CCDC171: variants seen among roughly 807,000 people sequenced by gnomAD.
CCDC171 encodes coiled-coil domain-containing protein 171.
A neutral mutation model predicts 168.2 loss-of-function variants in CCDC171; 177 were observed. That is an observed-to-expected ratio of 1.05 (90% CI 0.93 to 1.19). The LOEUF is 1.19. Ranked by LOEUF, CCDC171 falls within the 50% of genes most tolerant of loss-of-function variation. The probability of loss-of-function intolerance (pLI) is 0.00; values close to 1 mark genes in which losing one functional copy is unlikely to be tolerated. For synonymous variants in CCDC171, 687 were observed against 540.8 expected (o/e 1.27, Z -3.75); for missense variants, 1,991 against 1,539.0 (o/e 1.29, Z -4.91).
chr9:16,106,923 C>G, the CCDC171 span, among the ~76,000 whole-genome samples: 1 of 152,190 alleles, frequency 6.6e-6, no homozygotes, highest in African/African-American at 2.4e-5. Context: ...GCCACCCTCA[C>G]TGCCCTCCTG....
intron 21 of CCDC171, among the ~76,000 whole-genome samples, chr9:15,833,410 C>A (rs2060317363): frequency 6.6e-6 from 1 of 152,118 alleles, no homozygotes; most frequent in Non-Finnish European, 1.5e-5. Context: ...TATATGTAAA[C>A]TATTTGGAAT....
intron 6 of CCDC171, among the ~76,000 whole-genome samples, chr9:15,611,087 C>G (rs900769720): frequency 6.6e-6 from 1 of 152,076 alleles, no homozygotes. Flanking sequence ...ATGAGCTCCA[C>G]GAGATCTGGT....
intron 21 of CCDC171, among the ~76,000 whole-genome samples, chr9:15,804,940 TAGGTCTATTC>T (rs1200579200): frequency 6.6e-6 from 1 of 152,124 alleles, no homozygotes; most frequent in Admixed American, 6.5e-5. Context: ...GAACTCATTA[TAGGTCTATTC>T]AGGGATTCAA....
At position 15,594,666 on chromosome 9, in the gene CCDC171, A is replaced by G. The variant is rs984764942; in HGVS notation, c.675+494A>G. ...TTACTGATTACATCTAATCCCCTTT[A>G]TACATGAGCAGATGGAGATTTGGAA... is the stretch of plus-strand genomic sequence containing the variant. On this transcript the variant is annotated intron_variant, in intron 6 of 25. Coordinates refer to ENST00000380701, the MANE Select transcript of CCDC171 (RefSeq NM_173550.4). 3.9e-5 allele frequency among the ~76,000 whole-genome samples: 6 copies of G among 152,254 alleles called. No homozygotes were observed. In the East Asian group the frequency reaches 1.2e-3, roughly 29 times the overall value.
chr9:15,867,577 C>G (rs2131100203), intron 23 of CCDC171, among the ~76,000 whole-genome samples: 1 of 152,108 alleles, frequency 6.6e-6, no homozygotes, highest in Admixed American at 6.6e-5. Context: ...GTCCATATAG[C>G]TGTCTTGTGT....
chr9:16,032,351 C>T (rs1010759533), intron 6 of CCDC171, among the ~76,000 whole-genome samples: 3 of 152,050 alleles, frequency 2.0e-5, no homozygotes, highest in African/African-American at 4.8e-5. Context: ...TTGAAATAGA[C>T]GATGGTTTGC....
At chr9:15,693,442 A>G (rs1231922761) in intron 10 of CCDC171, among the ~76,000 whole-genome samples, 1 of 149,832 alleles carries the variant, frequency 6.7e-6, no homozygotes, top group Non-Finnish European at 1.5e-5. Context: ...GGTGTTGCCT[A>G]GGGGAAACAC....
intron 10 of CCDC171, among the ~76,000 whole-genome samples, chr9:15,687,450 A>G (rs568104549): frequency 6.6e-6 from 1 of 152,226 alleles, no homozygotes; most frequent in African/African-American, 2.4e-5. Flanking sequence ...TCCTCAAATC[A>G]ATAACCTAAC....
chr9:15,806,780 T>G (rs968834444), intron 21 of CCDC171, among the ~76,000 whole-genome samples: 10 of 152,166 alleles, frequency 6.6e-5, no homozygotes, highest in Non-Finnish European at 1.5e-4. Context: ...TATAGCAAGT[T>G]TGGGGACATT....
At chr9:15,651,732 ACTTT>A (rs1285083319) in intron 7 of CCDC171, among the ~76,000 whole-genome samples, 1 of 151,926 alleles carries the variant, frequency 6.6e-6, no homozygotes, top group Non-Finnish European at 1.5e-5. Context: ...TATATAACCC[ACTTT>A]CTTTATTCAT....
rs536073822 is a variant in CCDC171 at position 15,723,520 on chromosome 9, A to C, written c.1426-161A>C. 4 of 580,468 alleles carry C rather than the reference A, an allele frequency of 6.9e-6. No homozygotes were observed. The South Asian group carries it at 9.0e-5, about 13-fold the overall frequency. 36.0% of individuals were successfully genotyped at this position (580,468 alleles called of 1,614,324 possible). ...AGCTATATAGCATTTAACCAAAAGA[A>C]ATAATTTTTTAAAGACTCTTAATTA... is the stretch of plus-strand genomic sequence containing the variant. On this transcript the variant is annotated intron_variant, in intron 12 of 25. Transcript: ENST00000380701.
chr9:15,665,107 A>G lies in CCDC171; in HGVS notation c.916-1056A>G, dbSNP rs545456661. ...ATCTCTTACCTCCTGGAACTCTCCC[A>G]GTTTCAGACCTAAACATTTTTTTTT... On this transcript the variant is annotated intron_variant, in intron 8 of 25. Coordinates refer to ENST00000380701, the MANE Select transcript of CCDC171 (RefSeq NM_173550.4). Among the ~76,000 whole-genome samples, 4 of 152,208 alleles carry G rather than the reference A, an allele frequency of 2.6e-5. No individual in the cohort carries two copies. The South Asian group carries it at 6.2e-4, about 24-fold the overall frequency.
intron 1 of CCDC171, among the ~76,000 whole-genome samples, chr9:15,562,438 A>C (rs1259157989): frequency 6.6e-6 from 1 of 152,204 alleles, no homozygotes; most frequent in Non-Finnish European, 1.5e-5. Flanking sequence ...GAAGTAGATG[A>C]AACTTGCTTC....
At chr9:16,096,338 C>T in the CCDC171 span, among the ~76,000 whole-genome samples, 2 of 152,164 alleles carry the variant, frequency 1.3e-5, no homozygotes, top group Non-Finnish European at 2.9e-5. Flanking sequence ...TAAAGGACAA[C>T]CACATCCCAA....
Position 15,973,318 on chromosome 9 carries a change from T to C in CCDC171, c.*1482T>C, listed in dbSNP as rs1414901015. 6.6e-6 allele frequency: 1 copy of C among 150,892 alleles called. No individual in the cohort carries two copies. The highest frequency in any genetic ancestry group is 1.5e-5 in the Non-Finnish European group (1 of 67,888). The allele number at this position is 150,892 out of a possible 1,614,324, so 9.3% of individuals were successfully genotyped here. A position where few individuals can be genotyped will look rare whatever the true frequency, so the allele number is the denominator to read the frequency against. ...TAACAGTATGTATTACAGAAGTTTT[T>C]TTGTCTTATCTTTACAGTGACATTT... On this transcript the variant is annotated 3_prime_UTR_variant, in exon 26 of 26. Coordinates refer to ENST00000380701, the MANE Select transcript of CCDC171 (RefSeq NM_173550.4).
At chr9:15,788,869 A>G (rs1279142372) in intron 21 of CCDC171, among the ~76,000 whole-genome samples, 1 of 152,040 alleles carries the variant, frequency 6.6e-6, no homozygotes, top group East Asian at 1.9e-4. Context: ...ATTTCTTTAT[A>G]TGTAATAGTT....
chr9:15,985,913 T>TTAATCA (rs1831970587), intron 3 of CCDC171, among the ~76,000 whole-genome samples: 1 of 152,254 alleles, frequency 6.6e-6, no homozygotes, highest in Non-Finnish European at 1.5e-5. Context: ...TGAAGTCAGA[T>TTAATCA]AGACTGGTTA....
chr9:15,644,444 C>T (rs887264495), intron 7 of CCDC171, among the ~76,000 whole-genome samples: 2 of 152,108 alleles, frequency 1.3e-5, no homozygotes, highest in Non-Finnish European at 2.9e-5. Flanking sequence ...CAGGGTGAGG[C>T]ATCGTCTCAC....
At chr9:16,094,372 A>G in the CCDC171 span, among the ~76,000 whole-genome samples, 2 of 152,234 alleles carry the variant, frequency 1.3e-5, no homozygotes, top group African/African-American at 2.4e-5. Flanking sequence ...ATGTGTTCAC[A>G]TTTGGAAAAC....
Sources: allele counts gnomAD v4.1 joint callset (sites outside exome capture counted in the v4.1 genomes callset), GRCh38; gene constraint gnomAD v4.1.1; transcripts MANE v1.5; gene names NCBI Gene and HGNC (gene_info 2026-07-23, HGNC 2026-07-21).